Variants in PKIB observed in about 807,000 individuals in gnomAD.
The protein encoded by PKIB is PKI-beta.
PKIB carries 2 observed loss-of-function variants against 4.5 expected under a neutral mutation model. That is an observed-to-expected ratio of 0.44 (90% CI 0.18 to 1.39). PKIB has a LOEUF of 1.39. Among genes scored for constraint, PKIB ranks in the 40% most tolerant of loss-of-function variants. The pLI is 0.27. For missense variants in PKIB, 94 were observed against 92.6 expected, an observed-to-expected ratio of 1.02 and a Z score of -0.06; for synonymous variants, 38 against 36.0, an observed-to-expected ratio of 1.06 and a Z score of -0.20.
At chr6:122,627,790 A>G (rs1467786028) in intron 1 of PKIB, among the ~76,000 whole-genome samples, 4 of 152,164 alleles carry the variant, frequency 2.6e-5, no homozygotes, top group African/African-American at 9.7e-5. Context: ...AGACACTTTC[A>G]TGGTCATCCC....
At chr6:122,619,963 C>T (rs773188310) in intron 1 of PKIB, among the ~76,000 whole-genome samples, 1 of 152,160 alleles carries the variant, frequency 6.6e-6, no homozygotes, top group African/African-American at 2.4e-5. Flanking sequence ...AAGCTTGACT[C>T]TCCCCTGGGT....
intron 2 of PKIB, among the ~76,000 whole-genome samples, chr6:122,581,155 C>T (rs1056707823): frequency 1.5e-4 from 23 of 152,116 alleles, no homozygotes; most frequent in African/African-American, 4.6e-4. Context: ...TTAACTACTG[C>T]GTCACACTGT....
intron 3 of PKIB, among the ~76,000 whole-genome samples, chr6:122,702,179 TG>T (rs1181544561): frequency 6.6e-6 from 1 of 151,794 alleles, no homozygotes; most frequent in Admixed American, 6.6e-5. Flanking sequence ...TTTCCAACTG[TG>T]TAGTCTATGT....
At chr6:122,633,672 T>C (rs749031372) in intron 2 of PKIB, among the ~76,000 whole-genome samples, 3 of 152,170 alleles carry the variant, frequency 2.0e-5, no homozygotes, top group Non-Finnish European at 4.4e-5. Flanking sequence ...ATGGTTCTTA[T>C]AGAGGCAGCT....
At chr6:122,639,998 C>T (rs747381826) in intron 2 of PKIB, among the ~76,000 whole-genome samples, 1 of 152,168 alleles carries the variant, frequency 6.6e-6, no homozygotes, top group Non-Finnish European at 1.5e-5. Context: ...CCAGCTTTGT[C>T]ACTTACTCTT....
chr6:122,534,560 C>T (rs1050437590), intron 2 of PKIB, among the ~76,000 whole-genome samples: 1 of 152,142 alleles, frequency 6.6e-6, no homozygotes, highest in African/African-American at 2.4e-5. Flanking sequence ...ACGGAGGCTA[C>T]TCAAGCCCCA....
intron 2 of PKIB, among the ~76,000 whole-genome samples, chr6:122,583,944 G>C (rs1452618501): frequency 1.3e-5 from 2 of 152,058 alleles, no homozygotes; most frequent in Non-Finnish European, 2.9e-5. Flanking sequence ...TTAGTAGTTA[G>C]TGTCTTTGCA....
At chr6:122,589,192 G>A (rs6930161) in intron 3 of PKIB, among the ~76,000 whole-genome samples, 46,590 of 151,960 alleles carry the variant, frequency 0.31, 8,353 homozygotes, top group Non-Finnish European at 0.42. Context: ...TAATAAAGTT[G>A]TGGAGAGAAC....
chr6:122,616,434 C>T (rs1028719587), intron 1 of PKIB, among the ~76,000 whole-genome samples: 16 of 152,224 alleles, frequency 1.1e-4, no homozygotes, highest in Admixed American at 5.9e-4. Context: ...GTCCAGTAGT[C>T]CTCCCAGGAT....
At chr6:122,487,023 T>C (rs1775788117) in intron 2 of PKIB, among the ~76,000 whole-genome samples, 1 of 151,362 alleles carries the variant, frequency 6.6e-6, no homozygotes, top group Non-Finnish European at 1.5e-5. Context: ...TACATAAATA[T>C]TTATTTCTTC....
At chr6:122,601,514 A>G (rs1328745811) in intron 3 of PKIB, among the ~76,000 whole-genome samples, 2 of 152,130 alleles carry the variant, frequency 1.3e-5, no homozygotes. Flanking sequence ...TGACACTTGA[A>G]CAACACAGAT....
chr6:122,498,998 C>T (rs1252113720), intron 2 of PKIB, among the ~76,000 whole-genome samples: 1 of 152,092 alleles, frequency 6.6e-6, no homozygotes, highest in Non-Finnish European at 1.5e-5. Flanking sequence ...ACACAATCTC[C>T]CAAGACTGAA....
chr6:122,609,153 T>C (rs1774646771), upstream of PKIB, among the ~76,000 whole-genome samples: 1 of 152,196 alleles, frequency 6.6e-6, no homozygotes, highest in African/African-American at 2.4e-5. Context: ...TTTTTTGCAA[T>C]TACTTTTGCA....
At position 122,664,718 on chromosome 6, in the gene PKIB, A is replaced by AT. The variant is rs201034592; in HGVS notation, c.-75-10352dup. Among the ~76,000 whole-genome samples, 820 of 152,002 alleles carry AT rather than the reference A, an allele frequency of 5.4e-3. 7 individuals are homozygous for AT. The highest frequency in any genetic ancestry group is 0.017 in the African/African-American group (711 of 41,458). On this transcript the variant is annotated intron_variant, in intron 2 of 4. Transcript: ENST00000368452. The stretch of plus-strand genomic sequence containing the variant: ...TGTGACATTAAATATATTTTTGTCA[A>AT]TTTTTTTTGTTGTTGTTTATTTTTG...
intron 3 of PKIB, among the ~76,000 whole-genome samples, chr6:122,676,362 C>T (rs762303209): frequency 2.6e-5 from 4 of 152,096 alleles, no homozygotes; most frequent in Non-Finnish European, 4.4e-5. Context: ...TGCTTGCTCA[C>T]CTGTTGCTCA....
chr6:122,687,755 A>G (rs775383291), intron 3 of PKIB, among the ~76,000 whole-genome samples: 25 of 151,962 alleles, frequency 1.6e-4, no homozygotes, highest in Non-Finnish European at 3.2e-4. Context: ...TCTTTTTCAG[A>G]TTATTAAATC....
intron 2 of PKIB, among the ~76,000 whole-genome samples, chr6:122,539,005 T>C (rs1242374865): frequency 1.3e-5 from 2 of 152,094 alleles, no homozygotes; most frequent in African/African-American, 4.8e-5. Flanking sequence ...TGTATAAGAA[T>C]GCTTCTGATT....
intron 2 of PKIB, among the ~76,000 whole-genome samples, chr6:122,578,912 T>C (rs921683683): frequency 5.3e-5 from 8 of 152,160 alleles, no homozygotes; most frequent in African/African-American, 1.9e-4. Context: ...TTTTCCCTCT[T>C]TTGCTCCTTT....
At position 122,667,534 on chromosome 6, in the gene PKIB, CA is replaced by C. The variant is rs1280166100; in HGVS notation, c.-75-7536del. Among the ~76,000 whole-genome samples, 3 of 150,256 alleles carry C rather than the reference CA, an allele frequency of 2.0e-5. No homozygotes were observed. In the South Asian group the frequency reaches 6.3e-4, roughly 32 times the overall value. ...CCTGGGGGACAAAGCAAGACTGTCT[CA>C]AAAAAAATAAAAATGAAAATAAAAA... On this transcript the variant is annotated intron_variant, in intron 2 of 4. Transcript: ENST00000368452.
Sources: allele counts gnomAD v4.1 joint callset (sites outside exome capture counted in the v4.1 genomes callset), GRCh38; gene constraint gnomAD v4.1.1; transcripts MANE v1.5; gene names NCBI Gene and HGNC (gene_info 2026-07-23, HGNC 2026-07-21).